The following MEGF10 variants were observed in gnomAD, a reference collection of about 807,000 sequenced individuals.
MEGF10 encodes multiple epidermal growth factor-like domains protein 10.
A neutral mutation model predicts 147.5 loss-of-function variants in MEGF10; 86 were observed. The ratio of observed to expected loss-of-function variants is 0.58; its 90% confidence interval spans 0.49 to 0.70. The LOEUF is 0.70. Ranked by LOEUF, MEGF10 falls within the 30% of genes least tolerant of loss-of-function variation. MEGF10 has a pLI of 0.00. For synonymous variants in MEGF10, 478 were observed against 525.5 expected, an observed-to-expected ratio of 0.91 and a Z score of 1.24; for missense variants, 1,329 against 1,487.3, an observed-to-expected ratio of 0.89 and a Z score of 1.75.
intron 1 of MEGF10, among the ~76,000 whole-genome samples, chr5:127,327,425 A>G (rs1396571831): frequency 3.9e-5 from 6 of 152,188 alleles, no homozygotes; most frequent in African/African-American, 1.2e-4. Flanking sequence ...TAATGAAGCA[A>G]ATCACCACTG....
chr5:127,433,991 A>G (rs1478303949), intron 14 of MEGF10, among the ~76,000 whole-genome samples: 2 of 152,238 alleles, frequency 1.3e-5, no homozygotes, highest in African/African-American at 4.8e-5. Flanking sequence ...GAGACTGTTG[A>G]CATTGGTCCT....
upstream of MEGF10, among the ~76,000 whole-genome samples, chr5:127,287,412 G>C (rs2127018380): frequency 6.6e-6 from 1 of 152,022 alleles, no homozygotes; most frequent in African/African-American, 2.4e-5. Context: ...TGAGGGTACT[G>C]CACAAAATTC....
At chr5:127,284,624 T>A in the MEGF10 span, among the ~76,000 whole-genome samples, 1 of 152,204 alleles carries the variant, frequency 6.6e-6, no homozygotes, top group African/African-American at 2.4e-5. Context: ...GCCTTCTTTT[T>A]CTTACCTGTA....
chr5:127,419,562 C>A (rs549712176), intron 11 of MEGF10, among the ~76,000 whole-genome samples: 33 of 152,144 alleles, frequency 2.2e-4, no homozygotes, highest in Non-Finnish European at 4.1e-4. Flanking sequence ...AGCCAAGCAC[C>A]AATTTTATAT....
chr5:127,370,683 G>C (rs1762813451), intron 5 of MEGF10, among the ~76,000 whole-genome samples: 1 of 152,118 alleles, frequency 6.6e-6, no homozygotes. Context: ...TTATCACAAA[G>C]ATTATATCAT....
chr5:127,301,374 T>C (rs1759764103), intron 1 of MEGF10, among the ~76,000 whole-genome samples: 1 of 152,110 alleles, frequency 6.6e-6, no homozygotes, highest in Non-Finnish European at 1.5e-5. Flanking sequence ...TAGACTGAAA[T>C]GGAGAAAATA....
Position 127,396,672 on chromosome 5 carries a change from G to A in MEGF10, c.553G>A (p.Gly185Ser), listed in dbSNP as rs1479724522. The change falls in exon 6 of 25, where the codon GGC becomes AGC. Residue 185 changes from glycine (G) to serine (S), a missense_variant. Transcript: ENST00000503335. The part of the protein sequence containing the change: ...GWRCEDRCEQ[G>S]TYGNDCHQRC... ...GCGCTGCGAGGACCGCTGTGAGCAG[G>A]GCACCTATGGTAACGACTGTCATCA... 3 of 1,613,998 alleles carry A rather than the reference G, an allele frequency of 1.9e-6. No homozygotes were observed. Among genetic ancestry groups the A allele is most frequent in the Admixed American group, 1.7e-5 (1 of 60,012 alleles).
intron 1 of MEGF10, among the ~76,000 whole-genome samples, chr5:127,310,037 T>TC (rs764762333): frequency 0.12 from 5,905 of 47,806 alleles, 1,492 homozygotes; most frequent in Non-Finnish European, 0.19. Flanking sequence ...TTTCTTTCCT[T>TC]CTTTCTTTAT....
At chr5:127,450,035 T>C in intron 22 of MEGF10, among the ~76,000 whole-genome samples, 1 of 152,224 alleles carries the variant, frequency 6.6e-6, no homozygotes, top group Non-Finnish European at 1.5e-5. Flanking sequence ...AGAGCAATGC[T>C]ATTTTACATT....
At chr5:127,427,569 C>T (rs1765243467) in intron 13 of MEGF10, among the ~76,000 whole-genome samples, 1 of 151,974 alleles carries the variant, frequency 6.6e-6, no homozygotes, top group Non-Finnish European at 1.5e-5. Flanking sequence ...GAGCCCACTT[C>T]TCCGCTCTTC....
chr5:127,410,227 G>A (rs778030965), intron 8 of MEGF10, among the ~76,000 whole-genome samples, 162 bp from the exon 9 acceptor site: 14 of 152,228 alleles, frequency 9.2e-5, no homozygotes, highest in Non-Finnish European at 1.6e-4. Context: ...CCAGAGTAAT[G>A]TATCTTAACG....
intron 4 of MEGF10, among the ~76,000 whole-genome samples, chr5:127,354,891 G>A (rs991404557): frequency 6.6e-6 from 1 of 152,194 alleles, no homozygotes; most frequent in Non-Finnish European, 1.5e-5. Flanking sequence ...CCACAGGGGG[G>A]TCTGATTAGG....
intron 5 of MEGF10, among the ~76,000 whole-genome samples, chr5:127,382,094 A>G (rs1763287836): frequency 6.6e-6 from 1 of 152,208 alleles, no homozygotes; most frequent in African/African-American, 2.4e-5. Context: ...ATTTCCCCCC[A>G]AAAGCTAATG....
chr5:127,430,319 C>A (rs1163026992), intron 13 of MEGF10, among the ~76,000 whole-genome samples: 1 of 152,000 alleles, frequency 6.6e-6, no homozygotes, highest in African/African-American at 2.4e-5. Flanking sequence ...GCAAAGCTGG[C>A]AAAAAATAAG....
chr5:127,393,506 T>C (rs1763782202), intron 5 of MEGF10, among the ~76,000 whole-genome samples: 1 of 152,234 alleles, frequency 6.6e-6, no homozygotes, highest in East Asian at 1.9e-4. Flanking sequence ...CAACCCAGGT[T>C]TCTGTGTCCT....
At chr5:127,264,842 G>A in the MEGF10 span, among the ~76,000 whole-genome samples, 1 of 151,772 alleles carries the variant, frequency 6.6e-6, no homozygotes, top group South Asian at 2.1e-4. Context: ...GGATACATGT[G>A]CAGGACGTGC....
At chr5:127,336,662 G>A (rs1215581015) in intron 2 of MEGF10, among the ~76,000 whole-genome samples, 2 of 152,026 alleles carry the variant, frequency 1.3e-5, no homozygotes, top group East Asian at 1.9e-4. Flanking sequence ...CAAGGCACAC[G>A]GACTTGAATA....
Position 127,340,512 on chromosome 5 carries a change from AT to A in MEGF10, c.219-13del. On this transcript the variant is annotated splice_polypyrimidine_tract_variant and intron_variant, in intron 3 of 24. Transcript: ENST00000503335. Reference sequence around the variant, plus strand: ...AGACTTTTATTATGTTTAATAGCTAATTTTTCCTTCTCTATAGAGTCAGCTA... The same window carrying A: ...AGACTTTTATTATGTTTAATAGCTAATTTTCCTTCTCTATAGAGTCAGCTA... 2 of 1,600,930 alleles carry A rather than the reference AT, an allele frequency of 1.2e-6. No homozygotes were observed.
rs539466377 is a variant in MEGF10 at position 127,417,873 on chromosome 5, C to T, written c.1305+61C>T. The T allele has an allele frequency of 4.5e-4, 690 of 1,525,236 alleles. 2 individuals are homozygous for T. Among genetic ancestry groups the T allele is most frequent in the Non-Finnish European group, 7.2e-5 (81 of 1,127,404 alleles). 94.5% of individuals were successfully genotyped at this position (1,525,236 alleles called of 1,614,324 possible). A position where few individuals can be genotyped will look rare whatever the true frequency, so the allele number is the denominator to read the frequency against. ...GGTGCAGTGTGAAGCATCTCAATAC[C>T]ATGATTTATATGACCTCCAGTGAAA... On this transcript the variant is annotated intron_variant, in intron 10 of 24. Coordinates refer to ENST00000503335, the MANE Select transcript of MEGF10 (RefSeq NM_001256545.2).
Sources: allele counts gnomAD v4.1 joint callset (sites outside exome capture counted in the v4.1 genomes callset), GRCh38; gene constraint gnomAD v4.1.1; transcripts MANE v1.5; gene names NCBI Gene and HGNC (gene_info 2026-07-23, HGNC 2026-07-21).